ITGB1: variants seen among roughly 807,000 people sequenced by gnomAD.
The protein encoded by ITGB1 is integrin beta-1.
A neutral mutation model predicts 86.5 loss-of-function variants in ITGB1; 24 were observed. That is an observed-to-expected ratio of 0.28 (90% confidence interval 0.20 to 0.39). ITGB1 has a LOEUF of 0.39. Among genes scored for constraint, ITGB1 ranks in the 10% least tolerant of loss-of-function variants. The pLI is 1.00. For missense variants in ITGB1, 556 were observed against 946.9 expected, an observed-to-expected ratio of 0.59 and a Z score of 5.42; for synonymous variants, 323 against 316.8, an observed-to-expected ratio of 1.02 and a Z score of -0.21.
At chr10:32,907,843 A>AAAT (rs1211099683) in intron 15 of ITGB1, among the ~76,000 whole-genome samples, 23 of 152,278 alleles carry the variant, frequency 1.5e-4, no homozygotes, top group Non-Finnish European at 2.6e-4. Flanking sequence ...TACCAAAAAA[A>AAAT]AATAATAATA....
chr10:32,917,153 A>C (rs1182983798), intron 11 of ITGB1, among the ~76,000 whole-genome samples: 1 of 152,236 alleles, frequency 6.6e-6, no homozygotes, highest in Non-Finnish European at 1.5e-5. Context: ...AGAAAGCTGA[A>C]ACTGGATCCC....
At chr10:32,933,792 C>T (rs1293502120) in intron 2 of ITGB1, among the ~76,000 whole-genome samples, 1 of 152,098 alleles carries the variant, frequency 6.6e-6, no homozygotes, top group East Asian at 1.9e-4. Flanking sequence ...GTTTTGTATA[C>T]TGTTTTTTAT....
intron 1 of ITGB1, among the ~76,000 whole-genome samples, chr10:32,951,232 C>T (rs965462728): frequency 2.0e-5 from 3 of 151,910 alleles, no homozygotes; most frequent in Non-Finnish European, 4.4e-5. Flanking sequence ...CCACAAAAGT[C>T]GAGGAAAAGT....
chr10:32,940,491 C>T (rs1427080749), intron 1 of ITGB1, among the ~76,000 whole-genome samples: 1 of 152,122 alleles, frequency 6.6e-6, no homozygotes, highest in Admixed American at 6.5e-5. Flanking sequence ...ACCAGCATCA[C>T]CACAAACATG....
chr10:32,932,295 T>G (rs2094985998), intron 3 of ITGB1, among the ~76,000 whole-genome samples: 1 of 152,220 alleles, frequency 6.6e-6, no homozygotes, highest in South Asian at 2.1e-4. Flanking sequence ...CTTTGAAATC[T>G]TGTATATCTT....
Position 32,923,675 on chromosome 10 carries a change from A to G in ITGB1, c.852T>C (p.Phe284=), listed in dbSNP as rs200391756. 6.8e-6 allele frequency: 11 copies of G among 1,613,984 alleles called. No homozygotes were observed. Among genetic ancestry groups the G allele is most frequent in the Non-Finnish European group, 9.3e-6 (11 of 1,179,880 alleles). Residue 284 remains phenylalanine (F), a synonymous_variant, in exon 7 of 16, where the codon TTT becomes TTC. Coordinates refer to ENST00000302278, the MANE Select transcript of ITGB1 (RefSeq NM_002211.4). The stretch of plus-strand genomic sequence containing the variant: ...TGCCACCAAGTTTCCCATCTCCAGC[A>G]AAGTGAAACCCGGCATCTGTGGAAA... The part of the protein sequence containing the change: ...LVFSTDAGFH[F]AGDGKLGGIV...
intron 1 of ITGB1, among the ~76,000 whole-genome samples, chr10:32,943,521 A>G (rs962341310): frequency 6.6e-6 from 1 of 152,154 alleles, no homozygotes; most frequent in Non-Finnish European, 1.5e-5. Flanking sequence ...GCTACCAAAA[A>G]GTTAACAAGA....
In ITGB1 at chr10:32,923,692, C is replaced by T; in HGVS notation, c.835G>A (p.Asp279Asn). Residue 279 changes from aspartate to asparagine, a missense_variant, in exon 7 of 16, where the codon GAT becomes AAT. Asp to Asn is a conservative substitution (Grantham distance 23). Transcript: ENST00000302278. ...TCTCCAGCAAAGTGAAACCCGGCAT[C>T]TGTGGAAAACACCAGCAGCCGTGTA... Reference protein sequence around the residue: ...NVTRLLVFSTDAGFHFAGDGK... With the variant: ...NVTRLLVFSTNAGFHFAGDGK... The T allele has an allele frequency of 3.1e-6, 5 of 1,613,934 alleles. No homozygotes were observed. The highest frequency in any genetic ancestry group is 3.4e-6 in the Non-Finnish European group (4 of 1,179,892).
At position 32,908,525 on chromosome 10, in the gene ITGB1, G is replaced by A; in HGVS notation, c.2174C>T (p.Thr725Ile). Residue 725 changes from threonine to isoleucine, a missense_variant, in exon 15 of 16, where the codon ACT becomes ATT. By Grantham distance (89) the Thr-to-Ile change is moderately conservative (BLOSUM62 -1). Around this residue, in one of 4 missense-constraint regions of ITGB1, gnomAD observed 330 missense variants for 531.5 expected, o/e 0.62. Transcript: ENST00000302278. ...TACAATTGGAATGATGTCTGGACCA[G>A]TGGGACACTCTGGAAAATAAGAAGG... ...VHVVENPECP[T>I]GPDIIPIVAG... 6.2e-7 allele frequency: 1 copy of A among 1,613,536 alleles called. No homozygotes were observed. The highest frequency in any genetic ancestry group is 8.5e-7 in the Non-Finnish European group (1 of 1,179,704).
chr10:32,930,658 TAGTAAGTATATGACAAGGGTAAAAGG>T (rs1199196501), intron 3 of ITGB1, among the ~76,000 whole-genome samples: 63 of 152,162 alleles, frequency 4.1e-4, no homozygotes, highest in South Asian at 8.3e-4. Flanking sequence ...AAAAGCAAAA[TAGTAAGTATATGACAAGGGTAAAAGG>T]AGTAAGTATA....
At chr10:32,950,407 C>G (rs946130124) in intron 1 of ITGB1, among the ~76,000 whole-genome samples, 2 of 152,142 alleles carry the variant, frequency 1.3e-5, no homozygotes, top group Non-Finnish European at 2.9e-5. Context: ...GGAAAGGGAA[C>G]CTTTCCCCTT....
chr10:32,912,968 G>A (rs369463446), intron 11 of ITGB1, among the ~76,000 whole-genome samples: 60 of 152,196 alleles, frequency 3.9e-4, no homozygotes, highest in African/African-American at 1.4e-3. Context: ...GAAGCTTCCA[G>A]AGGAAGGATC....
intron 3 of ITGB1, among the ~76,000 whole-genome samples, chr10:32,930,362 T>C (rs1317071003): frequency 2.6e-5 from 4 of 152,190 alleles, no homozygotes; most frequent in South Asian, 2.1e-4. Context: ...GGTTAATGGC[T>C]ACTAATAATG....
At chr10:32,950,360 T>C (rs532306277) in intron 1 of ITGB1, among the ~76,000 whole-genome samples, 92 of 152,222 alleles carry the variant, frequency 6.0e-4, no homozygotes, top group African/African-American at 2.0e-3. Context: ...TTCTGTACCA[T>C]CTGAGAGGGT....
chr10:32,941,023 C>T (rs2095017045), intron 1 of ITGB1, among the ~76,000 whole-genome samples: 1 of 152,128 alleles, frequency 6.6e-6, no homozygotes, highest in Admixed American at 6.5e-5. Flanking sequence ...CAGTAATAAA[C>T]AAGGACACAG....
intron 1 of ITGB1, 40 bp from the exon 2 acceptor site, chr10:32,935,598 T>C (rs201274926): frequency 1.4e-6 from 2 of 1,421,074 alleles, no homozygotes; most frequent in Non-Finnish European, 2.0e-6. Context: ...TATAAAGAAA[T>C]AAAATGAAAA....
intron 15 of ITGB1, among the ~76,000 whole-genome samples, chr10:32,903,872 C>G (rs187085270): frequency 7.2e-4 from 109 of 152,154 alleles, no homozygotes; most frequent in African/African-American, 2.5e-3. Context: ...TATATCCTAT[C>G]TGATTTGAGG....
chr10:32,953,168 C>T (rs2095045843), intron 1 of ITGB1, among the ~76,000 whole-genome samples: 1 of 152,224 alleles, frequency 6.6e-6, no homozygotes, highest in South Asian at 2.1e-4. Context: ...TCATCTCCTA[C>T]ACAACGTGTT....
intron 8 of ITGB1, 31 bp from the exon 9 acceptor site, chr10:32,922,377 C>A (rs199769625): frequency 1.4e-6 from 2 of 1,412,370 alleles, no homozygotes; most frequent in African/African-American, 1.4e-5. Flanking sequence ...ACGTAAAATA[C>A]AACTGCTATT....
Sources: gnomAD v4.1 joint callset for allele counts (sites outside exome capture counted in the v4.1 genomes callset) on GRCh38, gnomAD v4.1.1 for gene constraint, gnomAD v4.1.1 regional missense constraint, MANE v1.5 for transcripts, NCBI Gene and HGNC (gene_info 2026-07-23, HGNC 2026-07-21) for gene names.